The following ZNF385D variants were observed in gnomAD, a reference collection of about 807,000 sequenced individuals.
The protein encoded by ZNF385D is zinc finger protein 659.
A neutral mutation model predicts 35.8 loss-of-function variants in ZNF385D; 15 were observed. The observed-to-expected ratio is 0.42, with a 90% CI of 0.28 to 0.64. The LOEUF (loss-of-function observed/expected upper bound fraction) is 0.64. Among genes scored for constraint, ZNF385D ranks in the 30% least tolerant of loss-of-function variants. The pLI is 0.23. For synonymous variants in ZNF385D, 212 were observed against 186.8 expected, an observed-to-expected ratio of 1.13 and a Z score of -1.10; for missense variants, 474 against 494.6, an observed-to-expected ratio of 0.96 and a Z score of 0.39.
chr3:21,663,593 C>T (rs1559499409), intron 2 of ZNF385D, among the ~76,000 whole-genome samples: 1 of 151,906 alleles, frequency 6.6e-6, no homozygotes, highest in East Asian at 2.0e-4. Context: ...GAATTTGATG[C>T]TGAGCAAGGT....
At chr3:21,994,319 C>G (rs114203246) in intron 3 of ZNF385D, among the ~76,000 whole-genome samples, 2 of 152,132 alleles carry the variant, frequency 1.3e-5, no homozygotes, top group African/African-American at 2.4e-5. Context: ...AAGTGTTAAT[C>G]CTGGAAAGTT....
At chr3:21,813,359 T>A (rs1220303848) in intron 3 of ZNF385D, among the ~76,000 whole-genome samples, 1 of 152,112 alleles carries the variant, frequency 6.6e-6, no homozygotes, top group Non-Finnish European at 1.5e-5. Context: ...CTTTGACGAG[T>A]TGACAGAAGT....
At chr3:22,263,905 A>G (rs907258237) in intron 2 of ZNF385D, among the ~76,000 whole-genome samples, 3 of 152,040 alleles carry the variant, frequency 2.0e-5, no homozygotes, top group African/African-American at 7.2e-5. Flanking sequence ...AAAAAAGTCA[A>G]TAGTGTCAAG....
intron 1 of ZNF385D, among the ~76,000 whole-genome samples, chr3:21,705,716 C>G (rs567912895): frequency 2.6e-5 from 4 of 152,310 alleles, no homozygotes; most frequent in African/African-American, 9.6e-5. Flanking sequence ...TCTCTGTGTT[C>G]CATTGCTTCT....
intron 2 of ZNF385D, among the ~76,000 whole-genome samples, chr3:22,307,355 A>C (rs1703286088): frequency 6.6e-6 from 1 of 152,170 alleles, no homozygotes; most frequent in Non-Finnish European, 1.5e-5. Context: ...GTAAGTAATA[A>C]GAGTTTTAAT....
intron 3 of ZNF385D, among the ~76,000 whole-genome samples, chr3:21,771,492 A>G (rs1431260127): frequency 6.6e-6 from 1 of 151,998 alleles, no homozygotes; most frequent in East Asian, 1.9e-4. Context: ...AAAAGGAAAA[A>G]ATAAGTCAAC....
chr3:21,901,466 G>T (rs924044178), intron 3 of ZNF385D, among the ~76,000 whole-genome samples: 3 of 152,176 alleles, frequency 2.0e-5, no homozygotes, highest in African/African-American at 7.2e-5. Flanking sequence ...AGGCAATAAT[G>T]TAATAATAGT....
intron 2 of ZNF385D, among the ~76,000 whole-genome samples, chr3:21,652,681 G>T (rs1171374017): frequency 7.1e-6 from 1 of 140,912 alleles, no homozygotes; most frequent in Non-Finnish European, 1.5e-5. Context: ...GTGTCCATGT[G>T]TTCTCATTGT....
chr3:22,019,947 G>T (rs985790836), intron 3 of ZNF385D, among the ~76,000 whole-genome samples: 1 of 151,644 alleles, frequency 6.6e-6, no homozygotes, highest in African/African-American at 2.4e-5. Flanking sequence ...TGTCCCAAAT[G>T]CTGTGGTAGA....
intron 2 of ZNF385D, among the ~76,000 whole-genome samples, chr3:22,281,410 T>C (rs1701733614): frequency 6.6e-6 from 1 of 152,118 alleles, no homozygotes; most frequent in African/African-American, 2.4e-5. Context: ...GATATGTCCC[T>C]TCTATGCCAA....
chr3:21,653,159 A>G (rs2065968566), intron 2 of ZNF385D, among the ~76,000 whole-genome samples: 1 of 152,084 alleles, frequency 6.6e-6, no homozygotes, highest in Non-Finnish European at 1.5e-5. Flanking sequence ...ATTCTATTAC[A>G]TTTTGCAACT....
chr3:22,050,792 A>G (rs1169480347), intron 3 of ZNF385D, among the ~76,000 whole-genome samples: 1 of 152,248 alleles, frequency 6.6e-6, no homozygotes, highest in Non-Finnish European at 1.5e-5. Context: ...TAAATAAACT[A>G]AACAATCAAA....
At chr3:22,235,269 G>C (rs752553708) in intron 2 of ZNF385D, among the ~76,000 whole-genome samples, 44 of 151,988 alleles carry the variant, frequency 2.9e-4, no homozygotes, top group Non-Finnish European at 5.0e-4. Context: ...TGCCTTTAAA[G>C]AGTTTCATTC....
intron 3 of ZNF385D, among the ~76,000 whole-genome samples, chr3:22,012,512 T>C (rs368161284): frequency 6.6e-6 from 1 of 152,162 alleles, no homozygotes; most frequent in Non-Finnish European, 1.5e-5. Flanking sequence ...ATTTCCTATA[T>C]TGAGGAATTT....
At chr3:22,328,381 T>G (rs182983389) in intron 2 of ZNF385D, among the ~76,000 whole-genome samples, 1 of 152,326 alleles carries the variant, frequency 6.6e-6, no homozygotes, top group Admixed American at 6.5e-5. Context: ...GATTCAGTAT[T>G]TCTATACTTC....
intron 3 of ZNF385D, among the ~76,000 whole-genome samples, chr3:22,079,931 T>C (rs1438262305): frequency 6.6e-6 from 1 of 152,000 alleles, no homozygotes; most frequent in Non-Finnish European, 1.5e-5. Context: ...TGTACATATA[T>C]ACATATGTAT....
rs746138066 is a variant in ZNF385D, at chr3:21,602,517, C to CTTTTTTTT, written c.166-37841_166-37834dup. ...TAGGTCTCCTGTTTCCCTGCATTTT[C>CTTTTTTTT]TTTTTTTTTTTTTTTTTTTTTTTTT... On this transcript the variant is annotated intron_variant, in intron 2 of 7. Coordinates refer to ENST00000281523, the MANE Select transcript of ZNF385D (RefSeq NM_024697.3). Among the ~76,000 whole-genome samples the CTTTTTTTT allele has an allele frequency of 1.9e-3, 119 of 62,698 alleles. 26 individuals are homozygous for CTTTTTTTT. The highest frequency in any genetic ancestry group is 6.9e-3 in the African/African-American group (91 of 13,230). The allele number at this position is 62,698 out of a possible 152,430, so 41.1% of individuals were successfully genotyped here. A position where few individuals can be genotyped will look rare whatever the true frequency, so the allele number is the denominator to read the frequency against.
intron 4 of ZNF385D, among the ~76,000 whole-genome samples, chr3:21,483,712 G>A (rs1704812170): frequency 6.6e-6 from 1 of 152,054 alleles, no homozygotes; most frequent in East Asian, 1.9e-4. Context: ...TGTACCATCT[G>A]TGCATTATTT....
At chr3:21,900,045 G>C (rs1408730113) in intron 3 of ZNF385D, among the ~76,000 whole-genome samples, 1 of 152,140 alleles carries the variant, frequency 6.6e-6, no homozygotes, top group Non-Finnish European at 1.5e-5. Flanking sequence ...AAAAGCACTT[G>C]AGAAACTGCA....
Sources: allele counts gnomAD v4.1 joint callset (sites outside exome capture counted in the v4.1 genomes callset), GRCh38; gene constraint gnomAD v4.1.1; transcripts MANE v1.5; gene names NCBI Gene and HGNC (gene_info 2026-07-23, HGNC 2026-07-21).